Variants in NUF2 observed in about 807,000 individuals in gnomAD.
NUF2 encodes the protein NUF2 component of NDC80 kinetochore complex.
A neutral mutation model predicts 61.8 loss-of-function variants in NUF2; 34 were observed. The ratio of observed to expected loss-of-function variants is 0.55; its 90% CI spans 0.42 to 0.73. The LOEUF is 0.73. Among genes scored for constraint, NUF2 ranks in the 30% least tolerant of loss-of-function variants. The pLI is 0.00. For synonymous variants in NUF2, 172 were observed against 181.6 expected (o/e 0.95, Z 0.42); for missense variants, 445 against 539.1 (o/e 0.83, Z 1.73).
chr1:163,346,975 A>C (rs528772690), intron 11 of NUF2, among the ~76,000 whole-genome samples: 5 of 152,254 alleles, frequency 3.3e-5, no homozygotes, highest in South Asian at 4.1e-4. Context: ...CTTTCCATTT[A>C]ATATTTTTAG....
intron 6 of NUF2, among the ~76,000 whole-genome samples, chr1:163,337,656 T>C (rs1650808336): frequency 6.6e-6 from 1 of 152,082 alleles, no homozygotes; most frequent in Non-Finnish European, 1.5e-5. Flanking sequence ...CTATCACCCT[T>C]CTTCCCAGCC....
At chr1:163,344,995 T>C (rs920656449) in intron 10 of NUF2, among the ~76,000 whole-genome samples, 7 of 152,272 alleles carry the variant, frequency 4.6e-5, no homozygotes, top group East Asian at 3.9e-4. Context: ...AGAACACTTA[T>C]ATAATCTTGG....
intron 2 of NUF2, 68 bp downstream of exon 2, chr1:163,326,242 G>C: frequency 6.7e-7 from 1 of 1,497,046 alleles, no homozygotes; most frequent in Non-Finnish European, 9.1e-7. Context: ...TAGGTCTATT[G>C]TGTGGCAAGA....
intron 10 of NUF2, among the ~76,000 whole-genome samples, chr1:163,345,426 G>A (rs1281251330): frequency 6.6e-6 from 1 of 152,168 alleles, no homozygotes; most frequent in East Asian, 1.9e-4. Context: ...CTTTTGGAAG[G>A]TATTTCATTG....
At chr1:163,322,520 A>G (rs1235175405) in intron 1 of NUF2, among the ~76,000 whole-genome samples, 2 of 152,244 alleles carry the variant, frequency 1.3e-5, no homozygotes, top group African/African-American at 4.8e-5. Context: ...AATTCAAAGG[A>G]AAAGAGCAGC....
At chr1:163,351,951 CTA>C (rs1181335950) in intron 13 of NUF2, among the ~76,000 whole-genome samples, 5 of 152,216 alleles carry the variant, frequency 3.3e-5, no homozygotes, top group East Asian at 1.9e-4. Flanking sequence ...TTTCAAAAAT[CTA>C]TGTTTCTTGT....
chr1:163,345,936 A>G (rs1156708473), intron 11 of NUF2, 118 bp downstream of exon 11: 1 of 645,362 alleles, frequency 1.5e-6, no homozygotes, highest in Non-Finnish European at 2.5e-6. Flanking sequence ...ATTCTACAGT[A>G]TAATAGATGT....
At chr1:163,324,130 T>C (rs1650334895) in intron 1 of NUF2, among the ~76,000 whole-genome samples, 3 of 152,174 alleles carry the variant, frequency 2.0e-5, no homozygotes, top group Admixed American at 2.0e-4. Context: ...TAAGGAGTAT[T>C]TTGAAGTTAC....
chr1:163,344,429 G>A (rs1490804055), intron 10 of NUF2, among the ~76,000 whole-genome samples: 1 of 150,500 alleles, frequency 6.6e-6, no homozygotes, highest in African/African-American at 2.4e-5. Context: ...AAGAGGGAAG[G>A]AAGAATGCTA....
intron 13 of NUF2, among the ~76,000 whole-genome samples, chr1:163,351,246 G>A (rs1305324941): frequency 1.3e-5 from 2 of 152,148 alleles, no homozygotes; most frequent in African/African-American, 4.8e-5. Context: ...TTTTAGTGAA[G>A]CATAATATTG....
At position 163,328,858 on chromosome 1, in the gene NUF2, G is replaced by GC; in HGVS notation, c.290dup (p.Ile98TyrfsTer6). ...CTTCATCTTCAAGGGACTCATTTTT[G>GC]CCTATCTGCCGGGTGAATGACTTTG... On this transcript the variant is annotated frameshift_variant, in exon 5 of 14. Coordinates refer to ENST00000271452, the MANE Select transcript of NUF2 (RefSeq NM_145697.3). LOFTEE classifies it high-confidence loss of function. The GC allele has an allele frequency of 1.9e-6, 3 of 1,602,736 alleles. No homozygotes were observed. Among genetic ancestry groups the GC allele is most frequent in the Non-Finnish European group, 2.6e-6 (3 of 1,171,490 alleles).
chr1:163,347,397 A>G (rs1233924272), intron 11 of NUF2, among the ~76,000 whole-genome samples: 2 of 152,202 alleles, frequency 1.3e-5, no homozygotes, highest in East Asian at 3.8e-4. Context: ...GTTACCCAAA[A>G]AAGATGTGTA....
intron 1 of NUF2, among the ~76,000 whole-genome samples, chr1:163,322,434 C>T (rs956011976): frequency 1.3e-5 from 2 of 152,196 alleles, no homozygotes; most frequent in Admixed American, 6.5e-5. Flanking sequence ...GCTTTTTACA[C>T]ATCTCCGTTG....
At chr1:163,344,014 T>C (rs1403782643) in intron 10 of NUF2, 144 bp downstream of exon 10, 2 of 404,192 alleles carry the variant, frequency 4.9e-6, no homozygotes, top group Non-Finnish European at 8.7e-6. Flanking sequence ...TTCTAATCTG[T>C]AGCTTTTCTC....
intron 3 of NUF2, chr1:163,327,997 T>G: frequency 2.4e-6 from 1 of 420,426 alleles, no homozygotes; most frequent in East Asian, 3.7e-5. Context: ...ATACCTGATA[T>G]TTAGTAAATG....
chr1:163,331,866 T>C (rs966642430), intron 5 of NUF2, among the ~76,000 whole-genome samples: 2 of 152,084 alleles, frequency 1.3e-5, no homozygotes, highest in African/African-American at 4.8e-5. Context: ...ATAATTTGTT[T>C]ATTCTTTTTT....
At chr1:163,344,150 T>C (rs1651041100) in intron 10 of NUF2, among the ~76,000 whole-genome samples, 1 of 152,128 alleles carries the variant, frequency 6.6e-6, no homozygotes, top group African/African-American at 2.4e-5. Flanking sequence ...ATTACTTTAT[T>C]ACAAGGGAGG....
At chr1:163,331,139 A>T (rs1342652370) in intron 5 of NUF2, among the ~76,000 whole-genome samples, 1 of 151,070 alleles carries the variant, frequency 6.6e-6, no homozygotes, top group Non-Finnish European at 1.5e-5. Context: ...GAAACCATTT[A>T]GTCTTTCATT....
intron 12 of NUF2, among the ~76,000 whole-genome samples, chr1:163,348,442 G>T (rs1233813681): frequency 6.6e-6 from 1 of 152,088 alleles, no homozygotes; most frequent in Non-Finnish European, 1.5e-5. Context: ...TAAAATACCT[G>T]CCCCAGATAT....
Sources: gnomAD v4.1 joint callset for allele counts (sites outside exome capture counted in the v4.1 genomes callset) on GRCh38, gnomAD v4.1.1 for gene constraint, MANE v1.5 for transcripts, NCBI Gene and HGNC (gene_info 2026-07-23, HGNC 2026-07-21) for gene names.